Variants in FOXN2 observed in about 807,000 individuals in gnomAD.
FOXN2 encodes forkhead box protein N2.
A neutral mutation model predicts 41.2 loss-of-function variants in FOXN2; 19 were observed. The observed-to-expected ratio is 0.46, with a 90% CI of 0.32 to 0.68. FOXN2 has a LOEUF of 0.68. FOXN2 is among the 30% of genes least tolerant of loss of function. The probability of loss-of-function intolerance (pLI) is 0.03; values close to 1 mark genes in which losing one functional copy is unlikely to be tolerated. For missense variants in FOXN2, 587 were observed against 509.4 expected, an observed-to-expected ratio of 1.15 and a Z score of -1.47; for synonymous variants, 195 against 176.8, an observed-to-expected ratio of 1.10 and a Z score of -0.82.
chr2:48,328,509 C>T (rs1037433476), intron 1 of FOXN2, 52 bp from the exon 2 acceptor site: 6 of 152,126 alleles, frequency 3.9e-5, no homozygotes, highest in East Asian at 1.9e-4. Flanking sequence ...TATATCTGTT[C>T]GTTACAGACA....
intron 2 of FOXN2, among the ~76,000 whole-genome samples, chr2:48,342,381 C>T (rs1670833736): frequency 6.7e-6 from 1 of 149,964 alleles, no homozygotes; most frequent in African/African-American, 2.5e-5. Flanking sequence ...TCCCTCCACA[C>T]ATCGTGGGTT....
intron 2 of FOXN2, among the ~76,000 whole-genome samples, chr2:48,331,369 T>A (rs1325878610): frequency 6.6e-6 from 1 of 152,122 alleles, no homozygotes; most frequent in Non-Finnish European, 1.5e-5. Flanking sequence ...ATAGAAACAA[T>A]TAAAATTGAA....
intron 2 of FOXN2, among the ~76,000 whole-genome samples, chr2:48,332,357 A>G (rs147013168): frequency 3.9e-5 from 6 of 152,344 alleles, no homozygotes; most frequent in African/African-American, 1.4e-4. Flanking sequence ...GTACTTTTGG[A>G]TTAAACTACA....
rs763205061 is a variant in FOXN2 at position 48,375,154 on chromosome 2, A to C, written c.1007A>C (p.Asn336Thr). 5 of 1,614,154 alleles carry C rather than the reference A, an allele frequency of 3.1e-6. No individual in the cohort carries two copies. The highest frequency in any genetic ancestry group is 4.2e-6 in the Non-Finnish European group (5 of 1,179,992). The part of the protein sequence containing the change: ...VDEVYEFIPK[N>T]SHVGSDGSEG... Reference sequence around the variant, plus strand: ...GAGGTATATGAATTTATCCCAAAGAATAGTCACGTGGGAAGTGATGGCAGT... The same window carrying C: ...GAGGTATATGAATTTATCCCAAAGACTAGTCACGTGGGAAGTGATGGCAGT... The change falls in exon 7 of 7, where the codon AAT becomes ACT. Residue 336 changes from asparagine to threonine, a missense_variant. Physicochemically the swap from Asn to Thr is moderately conservative, Grantham distance 65. Transcript: ENST00000340553.
At chr2:48,345,007 A>G (rs932122105) in intron 2 of FOXN2, among the ~76,000 whole-genome samples, 3 of 152,186 alleles carry the variant, frequency 2.0e-5, no homozygotes, top group Non-Finnish European at 4.4e-5. Context: ...TTGTCTCATG[A>G]TAAAGTTTTT....
At position 48,376,824 on chromosome 2, in the gene FOXN2, C is replaced by A. The variant is rs1277240734; in HGVS notation, c.*1381C>A. 1 of 152,396 alleles carries A rather than the reference C, an allele frequency of 6.6e-6. No homozygotes were observed. The highest frequency in any genetic ancestry group is 1.5e-5 in the Non-Finnish European group (1 of 67,898). 9.4% of individuals were successfully genotyped at this position (152,396 alleles called of 1,614,324 possible). ...TTTCTGAAAGTTCAGTCTTATGCTA[C>A]ATCCTAAGTCATAGACAATGACCTT... On this transcript the variant is annotated 3_prime_UTR_variant, in exon 7 of 7. Transcript: ENST00000340553.
intron 5 of FOXN2, among the ~76,000 whole-genome samples, chr2:48,372,922 CAAAA>C (rs372780873): frequency 9.3e-6 from 1 of 107,546 alleles, no homozygotes. Flanking sequence ...AGTAAAAATG[CAAAA>C]AAAAAAAAAA....
intron 3 of FOXN2, among the ~76,000 whole-genome samples, chr2:48,352,130 CTG>C (rs779644501): frequency 6.6e-6 from 1 of 152,266 alleles, no homozygotes. Context: ...TGGAGTTTCT[CTG>C]TATTTGACTT....
chr2:48,376,314 C>G lies in FOXN2; in HGVS notation c.*871C>G, dbSNP rs943573666. ...TTTGACACACTTGTAATAAGAGAAT[C>G]TTTCATTTGCCTGCCATGTGTACTG... On this transcript the variant is annotated 3_prime_UTR_variant, in exon 7 of 7. Coordinates refer to ENST00000340553, the MANE Select transcript of FOXN2 (RefSeq NM_002158.4). 6.6e-6 allele frequency: 1 copy of G among 152,014 alleles called. No homozygotes were observed. Among genetic ancestry groups the G allele is most frequent in the African/African-American group, 2.4e-5 (1 of 41,412 alleles). The allele number at this position is 152,014 out of a possible 1,614,324, so 9.4% of individuals were successfully genotyped here.
At chr2:48,325,051 A>G (rs138036427) in intron 1 of FOXN2, among the ~76,000 whole-genome samples, 1 of 152,346 alleles carries the variant, frequency 6.6e-6, no homozygotes, top group African/African-American at 2.4e-5. Context: ...ACTGACTTCT[A>G]ATACAGAAGC....
chr2:48,377,345 A>G lies in FOXN2; in HGVS notation c.*1902A>G, dbSNP rs998706958. The G allele has an allele frequency of 6.6e-6, 1 of 152,060 alleles. No homozygotes were observed. Among genetic ancestry groups the G allele is most frequent in the South Asian group, 2.1e-4 (1 of 4,836 alleles). The allele number at this position is 152,060 out of a possible 1,614,324, so 9.4% of individuals were successfully genotyped here. On this transcript the variant is annotated 3_prime_UTR_variant, in exon 7 of 7. Coordinates refer to ENST00000340553, the MANE Select transcript of FOXN2 (RefSeq NM_002158.4). ...CCACAGTATAAATAATAGATTATACACATCATCTTAATAACTATTTTTAAG... is the reference window on the plus strand; with the variant it reads ...CCACAGTATAAATAATAGATTATACGCATCATCTTAATAACTATTTTTAAG...
rs111922538 is a variant in FOXN2 at position 48,355,566 on chromosome 2, T to TA, written c.538-3479dup. On this transcript the variant is annotated intron_variant, in intron 3 of 6. Transcript: ENST00000340553. Reference sequence around the variant, plus strand: ...GGAATGCATGTGGATTTTTTTTTTTTAATTTATGAAATGTTTCTTGGGTCA... The same window carrying TA: ...GGAATGCATGTGGATTTTTTTTTTTTAAATTTATGAAATGTTTCTTGGGTCA... 3.8e-3 allele frequency among the ~76,000 whole-genome samples: 571 copies of TA among 152,218 alleles called. 5 individuals carry two copies. Among genetic ancestry groups the TA allele is most frequent in the African/African-American group, 0.013 (540 of 41,516 alleles).
Position 48,346,198 on chromosome 2 carries a change from C to T in FOXN2, c.-14-3C>T. 1 of 1,566,574 alleles carries T rather than the reference C, an allele frequency of 6.4e-7. No homozygotes were observed. The highest frequency in any genetic ancestry group is 8.6e-7 in the Non-Finnish European group (1 of 1,159,088). On this transcript the variant is annotated splice_region_variant and splice_polypyrimidine_tract_variant and intron_variant, in intron 2 of 6. Transcript: ENST00000340553. ...ACATTGATAATTGTTTCCTTTGTTG[C>T]AGAACTGTAAGAGTAAATGGGTCCA...
At chr2:48,326,277 TG>T (rs1284836352) in intron 1 of FOXN2, among the ~76,000 whole-genome samples, 2 of 152,162 alleles carry the variant, frequency 1.3e-5, no homozygotes, top group South Asian at 4.1e-4. Context: ...GGAGAAAGCA[TG>T]GTCTATTCAG....
chr2:48,367,322 A>G (rs1327713104), intron 5 of FOXN2, among the ~76,000 whole-genome samples: 23 of 152,108 alleles, frequency 1.5e-4, no homozygotes, highest in Non-Finnish European at 1.5e-5. Flanking sequence ...CAAAAATGGA[A>G]CTCACATTCC....
At chr2:48,322,614 G>A (rs1462467317) in intron 1 of FOXN2, among the ~76,000 whole-genome samples, 7 of 150,504 alleles carry the variant, frequency 4.7e-5, no homozygotes, top group Non-Finnish European at 7.4e-5. Flanking sequence ...CATTTTTTTC[G>A]TAATCCTTTA....
intron 2 of FOXN2, among the ~76,000 whole-genome samples, chr2:48,341,203 T>A (rs1040701658): frequency 6.6e-6 from 1 of 152,278 alleles, no homozygotes; most frequent in Admixed American, 6.5e-5. Flanking sequence ...TGCATTTGGC[T>A]TTATGAAGCA....
intron 3 of FOXN2, among the ~76,000 whole-genome samples, chr2:48,357,328 G>A (rs1170942468): frequency 6.6e-6 from 1 of 152,098 alleles, no homozygotes; most frequent in African/African-American, 2.4e-5. Context: ...AAGTAGACTT[G>A]AACTAAACAA....
chr2:48,335,765 C>T (rs1373262875), intron 2 of FOXN2, among the ~76,000 whole-genome samples: 1 of 152,100 alleles, frequency 6.6e-6, no homozygotes, highest in Admixed American at 6.5e-5. Context: ...CGGTGGCTCA[C>T]GCCTGTAATC....
Sources: gnomAD v4.1 joint callset for allele counts (sites outside exome capture counted in the v4.1 genomes callset) on GRCh38, gnomAD v4.1.1 for gene constraint, MANE v1.5 for transcripts, NCBI Gene and HGNC (gene_info 2026-07-23, HGNC 2026-07-21) for gene names.